The following ZMYM6 variants were observed in gnomAD, a reference collection of about 807,000 sequenced individuals.
ZMYM6 encodes zinc finger MYM-type containing 6, also known as zinc finger MYM-type protein 6.
In ZMYM6, 90 loss-of-function variants were observed where a neutral mutation model predicts 134.0. The ratio of observed to expected loss-of-function variants is 0.67; its 90% CI spans 0.57 to 0.80. The LOEUF is 0.80. Ranked by LOEUF, ZMYM6 falls within the 30% of genes least tolerant of loss-of-function variation. ZMYM6 has a pLI of 0.00. For missense variants in ZMYM6, 1,362 were observed against 1,533.9 expected, an observed-to-expected ratio of 0.89 and a Z score of 1.87; for synonymous variants, 481 against 524.1, an observed-to-expected ratio of 0.92 and a Z score of 1.12.
Position 35,010,761 on chromosome 1 carries a change from GT to G in ZMYM6, c.1337del (p.Tyr446SerfsTer36). 1 of 1,556,136 alleles carries G rather than the reference GT, an allele frequency of 6.4e-7. No homozygotes were observed. The highest frequency in any genetic ancestry group is 8.6e-7 in the Non-Finnish European group (1 of 1,156,318). Reference protein sequence around the residue: ...LFATKPELLFYKGKMFLFCGK... With the variant: ...LFATKPELLFXKGKMFLFCGK... ...CCCTTTCATGATCTCTCTTTACCTT[GT>G]AAAAAAGAAGTTCTGGTTTTGTGGC... On this transcript the variant is annotated frameshift_variant, in exon 9 of 16. Coordinates refer to ENST00000357182, the MANE Select transcript of ZMYM6 (RefSeq NM_007167.4). LOFTEE classifies it high-confidence loss of function.
At chr1:34,990,018 G>T (rs115285024) in intron 15 of ZMYM6, 2 of 152,172 alleles carry the variant, frequency 1.3e-5, no homozygotes, top group African/African-American at 4.8e-5. Flanking sequence ...TAATCTGGAT[G>T]AAGAGTATAC....
intron 15 of ZMYM6, 35 bp from the exon 16 acceptor site, chr1:34,988,970 GAACA>G (rs1569733619): frequency 1.1e-5 from 17 of 1,587,502 alleles, no homozygotes; most frequent in Non-Finnish European, 1.4e-5. Context: ...TTATTTTCAA[GAACA>G]AATAAGCAAT....
intron 1 of ZMYM6, 43 bp from the exon 2 acceptor site, chr1:35,030,756 T>C: frequency 9.3e-7 from 1 of 1,076,570 alleles, no homozygotes. Context: ...TTCAGGCTTA[T>C]CTATATGAAA....
At chr1:34,990,760 G>GA (rs1224537474) in intron 15 of ZMYM6, among the ~76,000 whole-genome samples, 1 of 151,876 alleles carries the variant, frequency 6.6e-6, no homozygotes, top group Non-Finnish European at 1.5e-5. Context: ...ATAAAAATTG[G>GA]AAAAAAATAA....
rs375427669 is a variant in ZMYM6, at chr1:34,988,770, C to T, written c.2312G>A (p.Cys771Tyr). Residue 771 changes from cysteine to tyrosine, a missense_variant, in exon 16 of 16, where the codon TGT becomes TAT. Cys to Tyr is a radical substitution (Grantham distance 194). This residue lies in a region of ZMYM6 where 824 missense variants were observed against 940.9 expected (regional missense o/e 0.88). Transcript: ENST00000357182. ...GTTTTCACTGGATAAGATCTCTCCA[C>T]AAATGACACACTGTGGCCTTGGTGA... The part of the protein sequence containing the change: ...ESSPRPQCVI[C>Y]GEILSSENMK... 4.5e-6 allele frequency: 7 copies of T among 1,551,566 alleles called. No individual in the cohort carries two copies. The African/African-American group carries it at 5.5e-5, about 12-fold the overall frequency.
At chr1:35,029,882 A>G (rs1441896487) in intron 2 of ZMYM6, among the ~76,000 whole-genome samples, 2 of 152,168 alleles carry the variant, frequency 1.3e-5, no homozygotes, top group South Asian at 2.1e-4. Flanking sequence ...AATTATATAT[A>G]TTACTTGACC....
At chr1:35,007,163 C>T (rs555947646) in intron 11 of ZMYM6, 65 bp from the exon 12 acceptor site, 1 of 1,491,804 alleles carries the variant, frequency 6.7e-7, no homozygotes, top group East Asian at 2.4e-5. Context: ...TAACATTAAT[C>T]ATAAAAAGAG....
At chr1:35,017,738 C>T (rs1039005415) in intron 4 of ZMYM6, 1 of 152,118 alleles carries the variant, frequency 6.6e-6, no homozygotes, top group Non-Finnish European at 1.5e-5. Context: ...ATTAAGGTAT[C>T]AAGCAGCCTT....
intron 2 of ZMYM6, chr1:35,030,058 A>C (rs931277119): frequency 6.5e-6 from 1 of 153,798 alleles, no homozygotes. Flanking sequence ...TTTTTAAGTG[A>C]CAAGTATGGA....
chr1:35,017,061 C>G (rs1017889011), intron 4 of ZMYM6, among the ~76,000 whole-genome samples: 6 of 151,754 alleles, frequency 4.0e-5, no homozygotes, highest in Non-Finnish European at 7.4e-5. Context: ...GTAACTGCCA[C>G]TTTACAGATG....
chr1:35,022,857 AAC>A (rs1015627411), intron 2 of ZMYM6, among the ~76,000 whole-genome samples: 7 of 152,176 alleles, frequency 4.6e-5, no homozygotes, highest in Non-Finnish European at 1.0e-4. Context: ...CCAATCGCCC[AAC>A]ACAGTCAACA....
rs1007612885 is a variant in ZMYM6, at chr1:34,987,030, A to G, written c.*74T>C. 2 of 1,100,716 alleles carry G rather than the reference A, an allele frequency of 1.8e-6. No homozygotes were observed. The highest frequency in any genetic ancestry group is 2.4e-6 in the Non-Finnish European group (2 of 820,836). 68.2% of individuals were successfully genotyped at this position (1,100,716 alleles called of 1,614,324 possible). ...CTGAAAACACAAATCCACATTAGGA[A>G]ATTATCTTTTAGGATACTTATACAA... On this transcript the variant is annotated 3_prime_UTR_variant, in exon 16 of 16. Coordinates refer to ENST00000357182, the MANE Select transcript of ZMYM6 (RefSeq NM_007167.4).
intron 14 of ZMYM6, among the ~76,000 whole-genome samples, chr1:34,996,750 C>A (rs1260323217): frequency 6.6e-6 from 1 of 152,162 alleles, no homozygotes; most frequent in East Asian, 1.9e-4. Flanking sequence ...GTTTTAACTA[C>A]AGCCTGAACA....
chr1:35,009,765 T>C (rs1047943618), intron 10 of ZMYM6, among the ~76,000 whole-genome samples: 2 of 151,646 alleles, frequency 1.3e-5, no homozygotes, highest in Admixed American at 6.6e-5. Context: ...AAACCCCCCG[T>C]CTCTACCAAA....
At chr1:35,006,898 T>C in intron 12 of ZMYM6, 53 bp downstream of exon 12, 2 of 1,483,576 alleles carry the variant, frequency 1.3e-6, no homozygotes, top group South Asian at 1.5e-5. Context: ...CTGTATATGC[T>C]GATAGTGTCC....
In ZMYM6 at chr1:35,020,394, T is replaced by A; in HGVS notation, c.167A>T (p.Glu56Val). Reference sequence around the variant, plus strand: ...GTTCCATTTCTTACCAATAGGTCTCTCATTAACTGAAGACACACCACCAAT... The same window carrying A: ...GTTCCATTTCTTACCAATAGGTCTCACATTAACTGAAGACACACCACCAAT... ...LKIGGVSSVN[E>V]RPIAQQLNPG... Residue 56 changes from glutamate to valine, a missense_variant, in exon 3 of 16, where the codon GAG becomes GTG. Glu to Val is a moderately radical substitution (Grantham distance 121). Transcript: ENST00000357182. The A allele has an allele frequency of 6.2e-7, 1 of 1,612,596 alleles. No individual in the cohort carries two copies. The highest frequency in any genetic ancestry group is 1.7e-5 in the Admixed American group (1 of 59,826).
At chr1:34,989,388 A>AAG in intron 15 of ZMYM6, 1 of 320,864 alleles carries the variant, frequency 3.1e-6, no homozygotes, top group Non-Finnish European at 4.4e-6. Context: ...AAAAAAAAAA[A>AAG]AAGAAGAAGA....
chr1:35,011,931 T>C lies in ZMYM6; in HGVS notation c.1021A>G (p.Ile341Val), dbSNP rs779421675. The change falls in exon 8 of 16, where the codon ATA becomes GTA. Residue 341 changes from isoleucine (I) to valine (V), a missense_variant. Around this residue, in one of 3 missense-constraint regions of ZMYM6, gnomAD observed 503 missense variants for 520.8 expected, o/e 0.97. Coordinates refer to ENST00000357182, the MANE Select transcript of ZMYM6 (RefSeq NM_007167.4). ...CAACTGGAGCTGCAGAAGCTGTATA[T>C]AGTTCCATTTGACATGGCTAGGTGA... is the stretch of plus-strand genomic sequence containing the variant. The part of the protein sequence containing the change: ...QYHLAMSNGT[I>V]YSFCSSSCVV... The C allele has an allele frequency of 1.2e-6, 2 of 1,611,442 alleles. No individual in the cohort carries two copies. Among genetic ancestry groups the C allele is most frequent in the Admixed American group, 1.7e-5 (1 of 59,958 alleles).
At chr1:35,030,468 G>A (rs1307115684) in intron 2 of ZMYM6, 79 bp downstream of exon 2, 1 of 1,403,292 alleles carries the variant, frequency 7.1e-7, no homozygotes, top group Non-Finnish European at 9.7e-7. Flanking sequence ...ACCAGAAGCC[G>A]TTTAACTAAA....
Sources: allele counts gnomAD v4.1 joint callset (sites outside exome capture counted in the v4.1 genomes callset), GRCh38; gene constraint gnomAD v4.1.1; regional missense constraint gnomAD v4.1.1; transcripts MANE v1.5; gene names NCBI Gene and HGNC (gene_info 2026-07-23, HGNC 2026-07-21).